SMO: variants seen among roughly 807,000 people sequenced by gnomAD.
SMO encodes smoothened, frizzled class receptor.
In SMO, 40 loss-of-function variants were observed where a neutral mutation model predicts 81.6. That is an observed-to-expected ratio of 0.49 (90% CI 0.38 to 0.64). The LOEUF (loss-of-function observed/expected upper bound fraction) is 0.64. Ranked by LOEUF, SMO falls within the 30% of genes least tolerant of loss-of-function variation. The pLI is 0.00. For missense variants in SMO, 916 were observed against 1,061.1 expected, an observed-to-expected ratio of 0.86 and a Z score of 1.90; for synonymous variants, 434 against 432.1, an observed-to-expected ratio of 1.00 and a Z score of -0.05.
In SMO at chr7:129,212,902, CA is replaced by C; in HGVS notation, c.*455del. On this transcript the variant is annotated 3_prime_UTR_variant, in exon 12 of 12. Coordinates refer to ENST00000249373, the MANE Select transcript of SMO (RefSeq NM_005631.5). The surrounding 1 kb of genome is among the most constrained non-coding windows in gnomAD (Gnocchi z 5.0). ...GTGCCCTTTCCTGGCAGTCTCAGTCCAAAAGTGTTGACTGTGTCATTAGTCC... is the reference window on the plus strand; with the variant it reads ...GTGCCCTTTCCTGGCAGTCTCAGTCCAAAGTGTTGACTGTGTCATTAGTCC... The C allele has an allele frequency of 3.6e-6, 1 of 280,552 alleles. No homozygotes were observed. 17.4% of individuals were successfully genotyped at this position (280,552 alleles called of 1,614,324 possible).
rs753549259 is a variant in SMO at position 129,189,394 on chromosome 7, G to A, written c.243G>A (p.Ser81=). 5 of 1,536,594 alleles carry A rather than the reference G, an allele frequency of 3.3e-6. No individual in the cohort carries two copies. The highest frequency in any genetic ancestry group is 1.8e-4 in the Middle Eastern group (1 of 5,562). Residue 81 remains serine, a synonymous_variant, in exon 1 of 12, where the codon TCG becomes TCA. Coordinates refer to ENST00000249373, the MANE Select transcript of SMO (RefSeq NM_005631.5). This position sits in a 1 kb window ranked among gnomAD's most constrained non-coding sequence, Gnocchi z 4.7. ...TGCGCTACAACGTGTGCCTGGGCTC[G>A]GTGCTGCCCTACGGGGCCACCTCCA... ...EPLRYNVCLG[S]VLPYGATSTL... is the part of the protein sequence containing the mutation.
At chr7:129,195,714 A>G (rs540022124) in intron 1 of SMO, among the ~76,000 whole-genome samples, 1 of 152,330 alleles carries the variant, frequency 6.6e-6, no homozygotes, top group African/African-American at 2.4e-5. Flanking sequence ...CAACTATAAT[A>G]TCAAAGTGAT....
Position 129,210,431 on chromosome 7 carries a change from G to A in SMO, c.1535G>A (p.Arg512His), listed in dbSNP as rs777204354. The A allele has an allele frequency of 2.5e-6, 4 of 1,614,126 alleles. No homozygotes were observed. The highest frequency in any genetic ancestry group is 2.2e-5 in the East Asian group (1 of 44,876). ...ATCCCTGACTGTGAGATCAAGAATC[G>A]CCCGAGCCTTCTGGTGGAGAAGATC... is the stretch of plus-strand genomic sequence containing the variant. ...QPIPDCEIKN[R>H]PSLLVEKINL... is the part of the protein sequence containing the mutation. Residue 512 changes from arginine to histidine, a missense_variant, in exon 9 of 12, where the codon CGC (arginine) becomes CAC (histidine). This residue lies in a region of SMO where 436 missense variants were observed against 570.9 expected (regional missense o/e 0.76). Coordinates refer to ENST00000249373, the MANE Select transcript of SMO (RefSeq NM_005631.5). The surrounding 1 kb of genome is among the most constrained non-coding windows in gnomAD (Gnocchi z 4.7).
chr7:129,196,224 T>C (rs1245674807), intron 1 of SMO, among the ~76,000 whole-genome samples: 2 of 151,916 alleles, frequency 1.3e-5, no homozygotes, highest in Non-Finnish European at 2.9e-5. Flanking sequence ...CCCATTGAAA[T>C]TCATGGACCT....
chr7:129,190,010 A>G (rs1012231761), intron 1 of SMO, among the ~76,000 whole-genome samples: 2 of 152,180 alleles, frequency 1.3e-5, no homozygotes, highest in African/African-American at 2.4e-5. Flanking sequence ...GTAACCAGAA[A>G]GTTCTGGAAA....
Position 129,211,958 on chromosome 7 carries a change from C to T in SMO, c.1937-66C>T, listed in dbSNP as rs2150656098. Reference sequence around the variant, plus strand: ...CCAGAACTAACAGGTTAAGTGCTCCCAGGGGAGCGGGGGTGGCATGGACAG... The same window carrying T: ...CCAGAACTAACAGGTTAAGTGCTCCTAGGGGAGCGGGGGTGGCATGGACAG... On this transcript the variant is annotated intron_variant, in intron 11 of 11. Transcript: ENST00000249373. This position sits in a 1 kb window ranked among gnomAD's most constrained non-coding sequence, Gnocchi z 4.6. 3 of 1,486,480 alleles carry T rather than the reference C, an allele frequency of 2.0e-6. No homozygotes were observed. The highest frequency in any genetic ancestry group is 2.1e-5 in the Admixed American group (1 of 48,036). The allele number at this position is 1,486,480 out of a possible 1,614,324, so 92.1% of individuals were successfully genotyped here. A position where few individuals can be genotyped will look rare whatever the true frequency, so the allele number is the denominator to read the frequency against.
chr7:129,192,168 A>C lies in SMO; in HGVS notation c.331+2686A>C, dbSNP rs114194462. 1.1e-3 allele frequency among the ~76,000 whole-genome samples: 175 copies of C among 152,338 alleles called. 2 individuals are homozygous for C. The highest frequency in any genetic ancestry group is 3.8e-3 in the African/African-American group (157 of 41,576). On this transcript the variant is annotated intron_variant, in intron 1 of 11. Transcript: ENST00000249373. ...GAACATCCCAGAAGAACTGGCATTTAACCCATAACTTGACACATAAGCAGG... is the reference window on the plus strand; with the variant it reads ...GAACATCCCAGAAGAACTGGCATTTCACCCATAACTTGACACATAAGCAGG...
chr7:129,200,668 A>C (rs1793654677), intron 1 of SMO, among the ~76,000 whole-genome samples: 1 of 152,218 alleles, frequency 6.6e-6, no homozygotes, highest in South Asian at 2.1e-4. Flanking sequence ...AACAAATTAG[A>C]CATTTTTAAA....
At chr7:129,204,868 G>A (rs1397610333) in intron 2 of SMO, among the ~76,000 whole-genome samples, 2 of 150,372 alleles carry the variant, frequency 1.3e-5, no homozygotes, top group South Asian at 4.2e-4. Context: ...AATTTAGCCG[G>A]GTGTGGTGGT....
At position 129,208,799 on chromosome 7, in the gene SMO, G is replaced by C. The variant is rs746499335; in HGVS notation, c.1305G>C (p.Gly435=). 1.9e-6 allele frequency: 3 copies of C among 1,613,806 alleles called. No homozygotes were observed. Among genetic ancestry groups the C allele is most frequent in the South Asian group, 1.1e-5 (1 of 91,074 alleles). The change falls in exon 7 of 12, where the codon GGG becomes GGC. Residue 435 remains glycine (G), a synonymous_variant. Transcript: ENST00000249373. This position sits in a 1 kb window ranked among gnomAD's most constrained non-coding sequence, Gnocchi z 5.2. ...TCTCCATCAAGAGCAACCACCCCGG[G>C]CTGCTGAGTGAGAAGGCTGCCAGCA... The part of the protein sequence containing the change: ...TLFSIKSNHP[G]LLSEKAASKI...
chr7:129,210,655 G>A lies in SMO; in HGVS notation c.1652+107G>A. The A allele has an allele frequency of 1.1e-6, 1 of 942,054 alleles. No individual in the cohort carries two copies. Among genetic ancestry groups the A allele is most frequent in the African/African-American group, 1.6e-5 (1 of 61,636 alleles). 58.4% of individuals were successfully genotyped at this position (942,054 alleles called of 1,614,324 possible). ...TGCCTCTAGCACAGCCTTGGTCAGT[G>A]GTTCACCGCTGCCCCCTGGTGGCAC... On this transcript the variant is annotated intron_variant, in intron 9 of 11. Transcript: ENST00000249373. This position sits in a 1 kb window ranked among gnomAD's most constrained non-coding sequence, Gnocchi z 4.7.
chr7:129,206,413 T>C lies in SMO; in HGVS notation c.1140+44T>C, dbSNP rs1156480807. On this transcript the variant is annotated intron_variant, in intron 5 of 11. Transcript: ENST00000249373. This position sits in a 1 kb window ranked among gnomAD's most constrained non-coding sequence, Gnocchi z 4.4. ...ACGGGAGACCTGGATGGGGTGAGTT[T>C]GAGGGAGGGGGCCAGTAACCCACCT... 6.2e-7 allele frequency: 1 copy of C among 1,613,864 alleles called. No individual in the cohort carries two copies. The highest frequency in any genetic ancestry group is 1.7e-5 in the Admixed American group (1 of 59,976).
At position 129,210,125 on chromosome 7, in the gene SMO, TC is replaced by T. The variant is rs1211855095; in HGVS notation, c.1467-237del. Reference sequence around the variant, plus strand: ...ATCAGTGCTGTGGAGCTTAGCCCTTTCTAAAGTTTTTGGATTGATTGTCTGA... The same window carrying T: ...ATCAGTGCTGTGGAGCTTAGCCCTTTTAAAGTTTTTGGATTGATTGTCTGA... On this transcript the variant is annotated intron_variant, in intron 8 of 11. Coordinates refer to ENST00000249373, the MANE Select transcript of SMO (RefSeq NM_005631.5). This position sits in a 1 kb window ranked among gnomAD's most constrained non-coding sequence, Gnocchi z 4.7. 2.2e-6 allele frequency: 1 copy of T among 464,546 alleles called. No individual in the cohort carries two copies. The highest frequency in any genetic ancestry group is 4.0e-6 in the Non-Finnish European group (1 of 252,890). 28.8% of individuals were successfully genotyped at this position (464,546 alleles called of 1,614,324 possible). A position where few individuals can be genotyped will look rare whatever the true frequency, so the allele number is the denominator to read the frequency against.
At chr7:129,198,588 C>T (rs1793619238) in intron 1 of SMO, among the ~76,000 whole-genome samples, 1 of 152,230 alleles carries the variant, frequency 6.6e-6, no homozygotes. Context: ...CAATGGACCA[C>T]ATGTGATGGT....
intron 1 of SMO, among the ~76,000 whole-genome samples, chr7:129,192,741 A>T (rs1281120964): frequency 6.6e-6 from 1 of 152,176 alleles, no homozygotes; most frequent in Non-Finnish European, 1.5e-5. Flanking sequence ...ATTCCCTTTC[A>T]CTAAGATAGA....
chr7:129,206,006 G>T lies in SMO; in HGVS notation c.921-144G>T. 1.3e-6 allele frequency: 1 copy of T among 798,160 alleles called. No individual in the cohort carries two copies. The highest frequency in any genetic ancestry group is 1.7e-5 in the South Asian group (1 of 58,166). 49.4% of individuals were successfully genotyped at this position (798,160 alleles called of 1,614,324 possible). ...AGGGGCGGCTCCTAGAGCCTCCTCA[G>T]ATCTGACCTGGGTCCTGTCTCCAAG... On this transcript the variant is annotated intron_variant, in intron 4 of 11. Coordinates refer to ENST00000249373, the MANE Select transcript of SMO (RefSeq NM_005631.5). The surrounding 1 kb of genome is among the most constrained non-coding windows in gnomAD (Gnocchi z 4.4).
rs17710891 is a variant in SMO at position 129,209,348 on chromosome 7, G to A, written c.1417G>A (p.Asp473Asn). Residue 473 changes from aspartate (D) to asparagine (N), a missense_variant, in exon 8 of 12, where the codon GAC becomes AAC. Coordinates refer to ENST00000249373, the MANE Select transcript of SMO (RefSeq NM_005631.5). The part of the protein sequence containing the change: ...VLITFSCHFY[D>N]FFNQAEWERS... The stretch of plus-strand genomic sequence containing the variant: ...CATTACCTTCAGCTGCCACTTCTAC[G>A]ACTTCTTCAACCAGGCTGAGTGGGA... 26 of 1,613,930 alleles carry A rather than the reference G, an allele frequency of 1.6e-5. No homozygotes were observed. In the East Asian group the frequency reaches 3.8e-4, roughly 24 times the overall value.
At chr7:129,193,085 G>A (rs1408451577) in intron 1 of SMO, among the ~76,000 whole-genome samples, 1 of 152,148 alleles carries the variant, frequency 6.6e-6, no homozygotes, top group Non-Finnish European at 1.5e-5. Context: ...CTCCTCCCGG[G>A]CATTCCAAGC....
At position 129,206,488 on chromosome 7, in the gene SMO, A is replaced by G; in HGVS notation, c.1165A>G (p.Ile389Val). The change falls in exon 6 of 12, where the codon ATT becomes GTT. Residue 389 changes from isoleucine (I) to valine (V), a missense_variant. Transcript: ENST00000249373. This position sits in a 1 kb window ranked among gnomAD's most constrained non-coding sequence, Gnocchi z 4.4. ...AQVDGDSVSGICFVGYKNYRY... is the reference protein window; with the variant it reads ...AQVDGDSVSGVCFVGYKNYRY... The stretch of plus-strand genomic sequence containing the variant: ...GGTGGATGGGGACTCTGTGAGTGGG[A>G]TTTGTTTTGTGGGCTACAAGAACTA... 1 of 1,613,994 alleles carries G rather than the reference A, an allele frequency of 6.2e-7. No individual in the cohort carries two copies.
Sources: allele counts gnomAD v4.1 joint callset (sites outside exome capture counted in the v4.1 genomes callset), GRCh38; gene constraint gnomAD v4.1.1; regional missense constraint gnomAD v4.1.1; non-coding constraint Gnocchi (gnomAD v3.1); transcripts MANE v1.5; gene names NCBI Gene and HGNC (gene_info 2026-07-23, HGNC 2026-07-21).